Variants in MACROD2 observed in about 807,000 individuals in gnomAD.
MACROD2 encodes mono-ADP ribosylhydrolase 2.
MACROD2 carries 36 observed loss-of-function variants against 70.4 expected under a neutral mutation model. That is an observed-to-expected ratio of 0.51 (90% confidence interval 0.39 to 0.68). The LOEUF (loss-of-function observed/expected upper bound fraction) is 0.68. Among genes scored for constraint, MACROD2 ranks in the 30% least tolerant of loss-of-function variants. The pLI, the probability that MACROD2 is intolerant of heterozygous loss-of-function variation, is 0.00. For missense variants in MACROD2, 496 were observed against 538.4 expected (o/e 0.92, Z 0.78); for synonymous variants, 172 against 178.8 (o/e 0.96, Z 0.30).
chr20:14,102,773 A>T (rs2054317532), intron 3 of MACROD2, among the ~76,000 whole-genome samples: 3 of 152,116 alleles, frequency 2.0e-5, no homozygotes, highest in South Asian at 2.1e-4. Flanking sequence ...TATAGGATAT[A>T]TGGGGATATA....
At chr20:14,762,581 C>T (rs2072030527) in intron 5 of MACROD2, among the ~76,000 whole-genome samples, 1 of 152,120 alleles carries the variant, frequency 6.6e-6, no homozygotes, top group Non-Finnish European at 1.5e-5. Flanking sequence ...GTAAACTCCG[C>T]AAAAGTTCCT....
chr20:15,545,727 C>G (rs1371878951), intron 8 of MACROD2, among the ~76,000 whole-genome samples: 1 of 152,020 alleles, frequency 6.6e-6, no homozygotes, highest in Non-Finnish European at 1.5e-5. Context: ...ATTTTTTTAA[C>G]CCTCTATTTA....
chr20:14,813,734 C>T (rs537232616), intron 5 of MACROD2, among the ~76,000 whole-genome samples: 25 of 152,140 alleles, frequency 1.6e-4, no homozygotes, highest in African/African-American at 5.3e-4. Context: ...AATCTGGAAG[C>T]TCATTCAAGC....
chr20:14,486,450 A>G (rs420629), intron 3 of MACROD2, among the ~76,000 whole-genome samples: 146,960 of 151,154 alleles, frequency 0.97, 71,589 homozygotes, highest in East Asian at 1. Flanking sequence ...GCAGAGAACA[A>G]GGGCAAGTAT....
chr20:15,278,366 G>C (rs1456959813), intron 6 of MACROD2, among the ~76,000 whole-genome samples: 1 of 152,174 alleles, frequency 6.6e-6, no homozygotes, highest in East Asian at 1.9e-4. Flanking sequence ...GCAAATGGCT[G>C]TTTCCTGTCT....
chr20:15,907,451 T>C (rs2065164780), intron 10 of MACROD2, among the ~76,000 whole-genome samples: 1 of 152,230 alleles, frequency 6.6e-6, no homozygotes, highest in Non-Finnish European at 1.5e-5. Flanking sequence ...GGAAATCTGT[T>C]TGGTGTTTAG....
In MACROD2 at chr20:14,712,496, T is replaced by C. The variant is rs1568753233; in HGVS notation, c.418+27537T>C. On this transcript the variant is annotated intron_variant, in intron 5 of 17. Coordinates refer to ENST00000684519, the MANE Select transcript of MACROD2 (RefSeq NM_001351661.2). The stretch of plus-strand genomic sequence containing the variant: ...ACACGTTGAATGCCCTGCATACCTA[T>C]AGTTCTTAAGGGAATAGTCACTGTT... Among the ~76,000 whole-genome samples the C allele has an allele frequency of 3.3e-5, 5 of 152,172 alleles. No individual in the cohort carries two copies. The East Asian group carries it at 9.6e-4, about 29-fold the overall frequency.
chr20:15,082,226 G>C (rs980708584), intron 5 of MACROD2, among the ~76,000 whole-genome samples: 6 of 152,198 alleles, frequency 3.9e-5, no homozygotes, highest in Non-Finnish European at 8.8e-5. Flanking sequence ...TCATGGAGAA[G>C]AGGAGAGGAC....
At chr20:15,692,795 A>G (rs1320396717) in intron 8 of MACROD2, among the ~76,000 whole-genome samples, 2 of 152,142 alleles carry the variant, frequency 1.3e-5, no homozygotes, top group Non-Finnish European at 2.9e-5. Context: ...AGGCCATTGC[A>G]TATATTAGCT....
intron 6 of MACROD2, among the ~76,000 whole-genome samples, chr20:15,245,840 C>T (rs1051931705): frequency 3.3e-5 from 5 of 152,162 alleles, no homozygotes; most frequent in Admixed American, 1.3e-4. Context: ...ATGGGTTTAT[C>T]GGGATGTAGT....
intron 4 of MACROD2, among the ~76,000 whole-genome samples, chr20:14,613,898 A>C (rs757349417): frequency 6.6e-6 from 1 of 152,136 alleles, no homozygotes; most frequent in Non-Finnish European, 1.5e-5. Flanking sequence ...ACCCATCGTT[A>C]TTCTAAGTCT....
At chr20:15,940,245 C>G (rs2065731896) in intron 12 of MACROD2, among the ~76,000 whole-genome samples, 1 of 139,082 alleles carries the variant, frequency 7.2e-6, no homozygotes. Flanking sequence ...CATGCACCAC[C>G]ACACCTGGCT....
chr20:15,618,320 T>C (rs906966369), intron 8 of MACROD2, among the ~76,000 whole-genome samples: 2 of 152,120 alleles, frequency 1.3e-5, no homozygotes, highest in East Asian at 1.9e-4. Flanking sequence ...TCTATGCAGA[T>C]TGAGTTTCTT....
chr20:14,841,409 A>T (rs960916825), intron 5 of MACROD2, among the ~76,000 whole-genome samples: 1 of 152,186 alleles, frequency 6.6e-6, no homozygotes, highest in Admixed American at 6.5e-5. Context: ...CACCGTCTTC[A>T]CTGTCATGGA....
At chr20:15,841,502 G>A (rs1355007325) in intron 8 of MACROD2, among the ~76,000 whole-genome samples, 8 of 152,254 alleles carry the variant, frequency 5.3e-5, no homozygotes, top group Non-Finnish European at 1.0e-4. Context: ...AAGTAGGCAC[G>A]TCTTACATGG....
chr20:14,157,283 A>T (rs765827748), intron 3 of MACROD2, among the ~76,000 whole-genome samples: 1 of 152,064 alleles, frequency 6.6e-6, no homozygotes, highest in Non-Finnish European at 1.5e-5. Context: ...ACATAAAATT[A>T]TACATATTTA....
chr20:14,672,485 T>A (rs1456734088), intron 4 of MACROD2, among the ~76,000 whole-genome samples: 1 of 152,172 alleles, frequency 6.6e-6, no homozygotes, highest in Non-Finnish European at 1.5e-5. Context: ...AGATTGTATC[T>A]CTTGATGGCA....
chr20:14,857,194 T>C (rs2073264144), intron 5 of MACROD2, among the ~76,000 whole-genome samples: 1 of 152,184 alleles, frequency 6.6e-6, no homozygotes, highest in Non-Finnish European at 1.5e-5. Flanking sequence ...CTCACTGTCC[T>C]CCACACAGAT....
Position 14,194,644 on chromosome 20 carries a change from C to T in MACROD2, c.271+108916C>T, listed in dbSNP as rs921001329. On this transcript the variant is annotated intron_variant, in intron 3 of 17. Transcript: ENST00000684519. The stretch of plus-strand genomic sequence containing the variant: ...ACAGCTTCCCCTGAGTCAGATGGAG[C>T]GGGGATAAGTGTGCCTTGATGCGAA... Among the ~76,000 whole-genome samples the T allele has an allele frequency of 7.6e-4, 116 of 152,148 alleles. 1 individual carries two copies. Among genetic ancestry groups the T allele is most frequent in the African/African-American group, 2.5e-3 (102 of 41,498 alleles).
Sources: allele counts gnomAD v4.1 joint callset (sites outside exome capture counted in the v4.1 genomes callset), GRCh38; gene constraint gnomAD v4.1.1; transcripts MANE v1.5; gene names NCBI Gene and HGNC (gene_info 2026-07-23, HGNC 2026-07-21).